The following ARHGAP28 variants were observed in gnomAD, a reference collection of about 807,000 sequenced individuals.
ARHGAP28 encodes the protein Rho GTPase activating protein 28, also known as rho GTPase-activating protein 28.
A neutral mutation model predicts 90.7 loss-of-function variants in ARHGAP28; 56 were observed. The ratio of observed to expected loss-of-function variants is 0.62; its 90% CI spans 0.50 to 0.77. ARHGAP28 has a LOEUF of 0.77. ARHGAP28 is among the 30% of genes least tolerant of loss of function. The pLI, the probability that ARHGAP28 is intolerant of heterozygous loss-of-function variation, is 0.00. For missense variants in ARHGAP28, 869 were observed against 900.9 expected (o/e 0.96, Z 0.45); for synonymous variants, 308 against 323.3 (o/e 0.95, Z 0.51).
chr18:6,734,313 A>G (rs760340009), intron 1 of ARHGAP28, among the ~76,000 whole-genome samples: 7 of 152,166 alleles, frequency 4.6e-5, no homozygotes, highest in Non-Finnish European at 7.4e-5. Context: ...AGTATATACA[A>G]ATAATGAAGT....
chr18:6,913,347 C>G lies in ARHGAP28; in HGVS notation c.*1193C>G, dbSNP rs757685126. The G allele has an allele frequency of 1.3e-5, 2 of 152,174 alleles. No homozygotes were observed. Among genetic ancestry groups the G allele is most frequent in the Non-Finnish European group, 2.9e-5 (2 of 68,046 alleles). The allele number at this position is 152,174 out of a possible 1,614,324, so 9.4% of individuals were successfully genotyped here. ...GTGCTGAGGGATTGGACAGCTCTGA[C>G]TTTCCTCGAGACTATGGATATAGTC... On this transcript the variant is annotated 3_prime_UTR_variant, in exon 18 of 18. Coordinates refer to ENST00000383472, the MANE Select transcript of ARHGAP28 (RefSeq NM_001366230.1).
chr18:6,819,970 G>C (rs2056615926), intron 1 of ARHGAP28, among the ~76,000 whole-genome samples: 1 of 152,114 alleles, frequency 6.6e-6, no homozygotes, highest in Admixed American at 6.6e-5. Context: ...ATTTACTCCA[G>C]TTTTCTAGAG....
chr18:6,812,237 G>C (rs1021811960), intron 1 of ARHGAP28, among the ~76,000 whole-genome samples: 22 of 152,144 alleles, frequency 1.4e-4, no homozygotes, highest in Admixed American at 8.5e-4. Flanking sequence ...CTTTAGAATG[G>C]AAAATGGAAG....
intron 3 of ARHGAP28, among the ~76,000 whole-genome samples, chr18:6,839,585 C>T (rs538073182): frequency 8.1e-4 from 124 of 152,314 alleles, no homozygotes; most frequent in African/African-American, 2.4e-3. Context: ...GCGTGAGCCA[C>T]TGCGCCCGGC....
At position 6,882,176 on chromosome 18, in the gene ARHGAP28, A is replaced by G; in HGVS notation, c.1330A>G (p.Lys444Glu). Residue 444 changes from lysine (K) to glutamate (E), a missense_variant, in exon 11 of 18, where the codon AAA becomes GAA. Transcript: ENST00000383472. Reference protein sequence around the residue: ...EELDAKFNADKFKWDKMCHRE... With the variant: ...EELDAKFNADEFKWDKMCHRE... ...ACTTGATGCCAAGTTTAATGCTGAT[A>G]AATTTAAATGGGACAAAATGTGCCA... 1 of 1,613,998 alleles carries G rather than the reference A, an allele frequency of 6.2e-7. No individual in the cohort carries two copies. Among genetic ancestry groups the G allele is most frequent in the East Asian group, 2.2e-5 (1 of 44,862 alleles).
At chr18:6,761,150 T>TA (rs1488494720) in intron 1 of ARHGAP28, among the ~76,000 whole-genome samples, 1 of 149,174 alleles carries the variant, frequency 6.7e-6, no homozygotes, top group Non-Finnish European at 1.5e-5. Flanking sequence ...AGTAGCATCT[T>TA]AGAGATGGGG....
intron 1 of ARHGAP28, among the ~76,000 whole-genome samples, chr18:6,824,304 T>G (rs960956068): frequency 1.3e-5 from 2 of 152,104 alleles, no homozygotes; most frequent in African/African-American, 2.4e-5. Flanking sequence ...TTTGGGAGGC[T>G]GAGGCAGGTG....
chr18:6,771,071 C>T (rs1277992772), intron 1 of ARHGAP28, among the ~76,000 whole-genome samples: 1 of 152,030 alleles, frequency 6.6e-6, no homozygotes, highest in Admixed American at 6.5e-5. Flanking sequence ...GGGTTTTGCT[C>T]TGTCACCCAG....
intron 13 of ARHGAP28, 24 bp downstream of exon 13, chr18:6,890,109 T>C (rs769039828): frequency 6.2e-7 from 1 of 1,612,760 alleles, no homozygotes; most frequent in East Asian, 2.2e-5. Flanking sequence ...TGATGACAGG[T>C]CCCCCTCAGA....
intron 5 of ARHGAP28, among the ~76,000 whole-genome samples, chr18:6,862,713 T>G (rs1256642354): frequency 6.6e-6 from 1 of 152,230 alleles, no homozygotes; most frequent in African/African-American, 2.4e-5. Context: ...ATGACTTTAT[T>G]AAGAATTTCA....
At chr18:6,885,824 G>A (rs565674087) in intron 11 of ARHGAP28, among the ~76,000 whole-genome samples, 10 of 137,196 alleles carry the variant, frequency 7.3e-5, no homozygotes, top group South Asian at 2.5e-4. Flanking sequence ...TTTTAATTGC[G>A]TTGGAAGATT....
At chr18:6,770,199 T>TA (rs2056231198) in intron 1 of ARHGAP28, among the ~76,000 whole-genome samples, 1 of 152,226 alleles carries the variant, frequency 6.6e-6, no homozygotes, top group Non-Finnish European at 1.5e-5. Context: ...GATCTTCTCT[T>TA]ACAAGACTGA....
At chr18:6,768,637 A>G (rs1359016736) in intron 1 of ARHGAP28, among the ~76,000 whole-genome samples, 2 of 152,172 alleles carry the variant, frequency 1.3e-5, no homozygotes, top group East Asian at 3.9e-4. Flanking sequence ...GAGTGACTTA[A>G]TATTTAGCAA....
intron 1 of ARHGAP28, among the ~76,000 whole-genome samples, chr18:6,760,788 T>C (rs2056153024): frequency 6.6e-6 from 1 of 152,204 alleles, no homozygotes; most frequent in African/African-American, 2.4e-5. Flanking sequence ...TGGAAGGGAT[T>C]TGTTACAGTT....
At chr18:6,856,519 T>A (rs781397818) in intron 4 of ARHGAP28, among the ~76,000 whole-genome samples, 1 of 152,160 alleles carries the variant, frequency 6.6e-6, no homozygotes, top group Non-Finnish European at 1.5e-5. Context: ...TTTGTTTTTT[T>A]GTGTTTTAGA....
rs2056907359 is a variant in ARHGAP28 at position 6,851,124 on chromosome 18, A to G, written c.634A>G (p.Met212Val). Residue 212 changes from methionine (M) to valine (V), a missense_variant and splice_region_variant, in exon 4 of 18, where the codon ATG (methionine) becomes GTG (valine). Physicochemically the swap from Met to Val is conservative, Grantham distance 21. Transcript: ENST00000383472. ...LPRVIKTSGSMPDDASLNSTT... is the reference protein window; with the variant it reads ...LPRVIKTSGSVPDDASLNSTT... Reference sequence around the variant, plus strand: ...AAGAGTTATCAAGACAAGTGGTTCCATGGTAAGTTATAGTTGTGGGGGGAT... The same window carrying G: ...AAGAGTTATCAAGACAAGTGGTTCCGTGGTAAGTTATAGTTGTGGGGGGAT... 3 of 1,613,986 alleles carry G rather than the reference A, an allele frequency of 1.9e-6. No individual in the cohort carries two copies. Among genetic ancestry groups the G allele is most frequent in the Non-Finnish European group, 2.5e-6 (3 of 1,179,866 alleles).
chr18:6,766,487 C>T (rs2056200810), intron 1 of ARHGAP28, among the ~76,000 whole-genome samples: 1 of 152,180 alleles, frequency 6.6e-6, no homozygotes, highest in Non-Finnish European at 1.5e-5. Flanking sequence ...GCCAGTCTTC[C>T]TGTAGTGGCT....
intron 11 of ARHGAP28, among the ~76,000 whole-genome samples, chr18:6,883,435 C>T (rs536678943): frequency 6.6e-6 from 1 of 151,998 alleles, no homozygotes; most frequent in African/African-American, 2.4e-5. Context: ...GACGGGGTTT[C>T]GCCATGTTGG....
intron 2 of ARHGAP28, among the ~76,000 whole-genome samples, chr18:6,835,852 T>C (rs2056749167): frequency 6.6e-6 from 1 of 152,188 alleles, no homozygotes; most frequent in South Asian, 2.1e-4. Flanking sequence ...CTGTCATAAA[T>C]ACATTGATTT....
Sources: allele counts gnomAD v4.1 joint callset (sites outside exome capture counted in the v4.1 genomes callset), GRCh38; gene constraint gnomAD v4.1.1; transcripts MANE v1.5; gene names NCBI Gene and HGNC (gene_info 2026-07-23, HGNC 2026-07-21).